PUDP: variants seen among roughly 807,000 people sequenced by gnomAD.
PUDP encodes pseudouridine 5'-phosphatase.
PUDP carries 8 observed loss-of-function variants against 9.4 expected under a neutral mutation model. That is an observed-to-expected ratio of 0.85 (90% confidence interval 0.50 to 1.53). The LOEUF is 1.53. Among genes scored for constraint, PUDP ranks in the 40% most tolerant of loss-of-function variants. PUDP has a pLI of 0.00. For missense variants in PUDP, 188 were observed against 189.7 expected, an observed-to-expected ratio of 0.99 and a Z score of 0.05; for synonymous variants, 99 against 80.7, an observed-to-expected ratio of 1.23 and a Z score of -1.22.
intron 3 of PUDP, among the ~76,000 whole-genome samples, chrX:6,807,974 G>A (rs981176231): frequency 8.9e-6 from 1 of 111,959 alleles, no homozygotes; most frequent in Non-Finnish European, 1.9e-5. Context: ...TAGCCAAAAT[G>A]AGGGTACCAG....
At chrX:6,938,593 C>G (rs1240717462) in intron 3 of PUDP, among the ~76,000 whole-genome samples, 1 of 95,725 alleles carries the variant, frequency 1.0e-5, no homozygotes. Context: ...TGTAACTAAC[C>G]TGCACAATGT....
chrX:6,949,177 C>T (rs62590453), intron 3 of PUDP, among the ~76,000 whole-genome samples: 6,805 of 111,802 alleles, frequency 0.061, 235 homozygotes, highest in South Asian at 0.092. Flanking sequence ...TCTCTTCATC[C>T]GAGTGGCCTG....
At chrX:6,885,752 TCTTA>T (rs1473219610) in intron 3 of PUDP, among the ~76,000 whole-genome samples, 1 of 112,038 alleles carries the variant, frequency 8.9e-6, no homozygotes, top group East Asian at 2.8e-4. Context: ...GTTGGCCAAC[TCTTA>T]CTTATATAAT....
At chrX:7,064,476 G>A (rs186650895) in intron 3 of PUDP, among the ~76,000 whole-genome samples, 2 of 111,554 alleles carry the variant, frequency 1.8e-5, no homozygotes, top group African/African-American at 6.5e-5. Context: ...AAGAGGAAAG[G>A]AAGATGTGGG....
chrX:6,707,134 AC>A (rs1234057911), intron 1 of PUDP, among the ~76,000 whole-genome samples: 1 of 111,421 alleles, frequency 9.0e-6, no homozygotes, highest in African/African-American at 3.3e-5. Context: ...CATCCACACA[AC>A]CCAAGAAAGT....
chrX:7,038,734 A>G (rs1929884137), intron 1 of PUDP, among the ~76,000 whole-genome samples: 1 of 111,762 alleles, frequency 8.9e-6, no homozygotes, highest in Admixed American at 9.5e-5. Flanking sequence ...TCATGTTACT[A>G]TATACTTCTA....
chrX:6,904,117 A>C (rs1303144169), intron 3 of PUDP, among the ~76,000 whole-genome samples: 2 of 108,268 alleles, frequency 1.8e-5, no homozygotes, highest in Non-Finnish European at 3.8e-5. Flanking sequence ...GTGCCCAGCT[A>C]ATTGCTGTAT....
At chrX:7,118,978 A>G (rs1252050041) in intron 1 of PUDP, among the ~76,000 whole-genome samples, 1 of 101,647 alleles carries the variant, frequency 9.8e-6, no homozygotes, top group East Asian at 2.8e-4. Flanking sequence ...TGAAACAAAT[A>G]CTGACAAAGA....
chrX:7,046,928 T>A (rs1244938661), downstream of PUDP, among the ~76,000 whole-genome samples: 1 of 112,158 alleles, frequency 8.9e-6, no homozygotes, highest in Non-Finnish European at 1.9e-5. Context: ...ACCATGTTGT[T>A]GAAATTAACG....
intron 1 of PUDP, among the ~76,000 whole-genome samples, chrX:7,124,422 C>T (rs776036748): frequency 1.8e-5 from 2 of 111,362 alleles, no homozygotes; most frequent in South Asian, 3.8e-4. Flanking sequence ...AACGTCTGCA[C>T]TAAAAAAGTA....
In PUDP at chrX:7,117,180, G is replaced by T. The variant is rs945884525; in HGVS notation, c.62-11342C>A. 7.6e-6 allele frequency: 7 copies of T among 916,869 alleles called. No homozygotes were observed. In the African/African-American group the frequency reaches 1.2e-4, roughly 16 times the overall value. The allele number at this position is 916,869 out of a possible 1,213,427, so 75.6% of individuals were successfully genotyped here. On this transcript the variant is annotated intron_variant, in intron 1 of 3. Coordinates refer to ENST00000381077, the MANE Select transcript of PUDP (RefSeq NM_012080.5). ...TACAAGGATACCTGAAAATATGGAAGTGACTTTGGAATTGGGTAACAGGCA... is the reference window on the plus strand; with the variant it reads ...TACAAGGATACCTGAAAATATGGAATTGACTTTGGAATTGGGTAACAGGCA...
intron 3 of PUDP, among the ~76,000 whole-genome samples, chrX:6,876,639 ATGTG>A (rs111935866): frequency 0.08 from 7,410 of 92,752 alleles, 726 homozygotes; most frequent in African/African-American, 0.26. Flanking sequence ...CTAAAATGTT[ATGTG>A]TGTGTGTGTG....
chrX:6,994,925 T>A (rs1929230848), intron 1 of PUDP, among the ~76,000 whole-genome samples: 1 of 110,526 alleles, frequency 9.0e-6, no homozygotes, highest in African/African-American at 3.3e-5. Flanking sequence ...ATCCAAGGTA[T>A]GTATAATTGG....
chrX:7,133,983 G>A (rs930982172), intron 1 of PUDP, among the ~76,000 whole-genome samples: 3 of 112,013 alleles, frequency 2.7e-5, no homozygotes, highest in East Asian at 2.8e-4. Flanking sequence ...CAATGGGGCC[G>A]TAGGTCAGAT....
intron 3 of PUDP, among the ~76,000 whole-genome samples, chrX:6,960,257 T>C (rs1028676308): frequency 1.8e-5 from 2 of 112,726 alleles, no homozygotes; most frequent in African/African-American, 6.4e-5. Flanking sequence ...TAATTCTCAA[T>C]GTATTACAAT....
chrX:7,050,478 G>C lies in PUDP; in HGVS notation c.511-6C>G. ...GCATCTTCAAAGACAAGGCACTGTA[G>C]GAAGAAAAAGAAAGTCGAGATGGCC... On this transcript the variant is annotated splice_polypyrimidine_tract_variant and splice_region_variant and intron_variant, in intron 3 of 3. Transcript: ENST00000381077. 2 of 1,205,391 alleles carry C rather than the reference G, an allele frequency of 1.7e-6. No homozygotes were observed. The highest frequency in any genetic ancestry group is 4.6e-4 in the Middle Eastern group (2 of 4,320).
rs1469103615 is a variant in PUDP, at chrX:7,050,173, A to C, written c.*123T>G. The C allele has an allele frequency of 7.6e-6, 5 of 658,345 alleles. No individual in the cohort carries two copies. Among genetic ancestry groups the C allele is most frequent in the Non-Finnish European group, 1.1e-5 (5 of 451,002 alleles). The allele number at this position is 658,345 out of a possible 1,213,427, so 54.3% of individuals were successfully genotyped here. On this transcript the variant is annotated 3_prime_UTR_variant, in exon 4 of 4. Coordinates refer to ENST00000381077, the MANE Select transcript of PUDP (RefSeq NM_012080.5). Reference sequence around the variant, plus strand: ...CAAACCAACATGGGATGGAAACTCCAATCTCAGGAGGCTAAAATCACAGCG... The same window carrying C: ...CAAACCAACATGGGATGGAAACTCCCATCTCAGGAGGCTAAAATCACAGCG...
chrX:6,968,254 G>C (rs1051920011), intron 3 of PUDP, among the ~76,000 whole-genome samples: 4 of 112,187 alleles, frequency 3.6e-5, no homozygotes, highest in African/African-American at 9.7e-5. Context: ...ACCACCATCC[G>C]TGTAGTACAC....
intron 3 of PUDP, among the ~76,000 whole-genome samples, chrX:6,953,647 T>TA (rs746893897): frequency 9.0e-6 from 1 of 111,218 alleles, no homozygotes; most frequent in African/African-American, 3.3e-5. Context: ...GACACACTCC[T>TA]ACAGAAATGC....
Sources: allele counts gnomAD v4.1 joint callset (sites outside exome capture counted in the v4.1 genomes callset), GRCh38; gene constraint gnomAD v4.1.1; transcripts MANE v1.5; gene names NCBI Gene and HGNC (gene_info 2026-07-23, HGNC 2026-07-21).